The following SGCD variants were observed in gnomAD, a reference collection of about 807,000 sequenced individuals.
SGCD encodes delta-sarcoglycan.
SGCD carries 18 observed loss-of-function variants against 36.6 expected under a neutral mutation model. That is an observed-to-expected ratio of 0.49 (90% CI 0.34 to 0.73). The LOEUF (loss-of-function observed/expected upper bound fraction) is 0.73, where lower values mean the gene tolerates loss of function less well. SGCD is among the 30% of genes least tolerant of loss of function. SGCD has a pLI of 0.01. For synonymous variants in SGCD, 133 were observed against 130.6 expected (o/e 1.02, Z -0.12); for missense variants, 387 against 346.7 (o/e 1.12, Z -0.92).
intron 5 of SGCD, among the ~76,000 whole-genome samples, chr5:156,592,802 A>G (rs1182231561): frequency 1.3e-5 from 2 of 151,824 alleles, no homozygotes; most frequent in African/African-American, 4.8e-5. Context: ...TCAATCTCCT[A>G]CTCATTAGGG....
At chr5:155,876,005 A>G (rs1755759875) in intron 1 of SGCD, among the ~76,000 whole-genome samples, 1 of 151,538 alleles carries the variant, frequency 6.6e-6, no homozygotes, top group South Asian at 2.1e-4. Flanking sequence ...CTTAATTTTC[A>G]AAGTTGTTTT....
chr5:155,842,837 TTGAC>T, the SGCD span, among the ~76,000 whole-genome samples: 1 of 152,242 alleles, frequency 6.6e-6, no homozygotes, highest in Non-Finnish European at 1.5e-5. Flanking sequence ...TTCAAAATAT[TTGAC>T]TGTTCTTAAA....
chr5:156,067,296 G>T lies in SGCD; in HGVS notation c.-281-50582G>T, dbSNP rs1291302553. Among the ~76,000 whole-genome samples the T allele has an allele frequency of 1.9e-5, 2 of 107,878 alleles. 1 individual carries two copies. Among genetic ancestry groups the T allele is most frequent in the African/African-American group, 1.3e-4 (2 of 15,938 alleles). 70.8% of individuals were successfully genotyped at this position (107,878 alleles called of 152,430 possible). ...ACTTGAGGAGGCAGTCTGTCTGCCC[G>T]TTCTCAGATCTCCAGCTGCGTGCTG... On this transcript the variant is annotated intron_variant, in intron 1 of 9. Transcript: ENST00000517913.
At chr5:156,492,003 G>C (rs182533377) in intron 3 of SGCD, among the ~76,000 whole-genome samples, 1 of 152,238 alleles carries the variant, frequency 6.6e-6, no homozygotes, top group African/African-American at 2.4e-5. Flanking sequence ...AGAGGTGACT[G>C]TCAGTCTGTG....
Position 155,937,542 on chromosome 5 carries a change from G to A in SGCD, c.-282+67118G>A, listed in dbSNP as rs1757234464. ...AAGAGAAAAGGCCAGAAAGGAATGA[G>A]TGTTTTGCAGAAAGATCTTCGGGGA... On this transcript the variant is annotated intron_variant, in intron 1 of 9. Transcript: ENST00000517913. Among the ~76,000 whole-genome samples the A allele has an allele frequency of 2.0e-5, 3 of 152,256 alleles. No homozygotes were observed. The South Asian group carries it at 6.2e-4, about 32-fold the overall frequency.
the SGCD span, among the ~76,000 whole-genome samples, chr5:155,814,230 C>A: frequency 2.0e-5 from 3 of 152,232 alleles, no homozygotes; most frequent in African/African-American, 7.2e-5. Context: ...TTGGTCCTCT[C>A]CACTTCAGAG....
At chr5:156,345,691 A>AG (rs1768904136) in intron 3 of SGCD, among the ~76,000 whole-genome samples, 1 of 152,176 alleles carries the variant, frequency 6.6e-6, no homozygotes, top group Non-Finnish European at 1.5e-5. Context: ...AAACCAAAAA[A>AG]CAAATAACAA....
rs1193613010 is a variant in SGCD, at chr5:156,607,364, G to A, written c.502+12313G>A. ...GGATTATATTTACTGGTTTGTGTAT[G>A]TTGAACCAGCCTTGCATCCCAGGGA... On this transcript the variant is annotated intron_variant, in intron 6 of 8. Coordinates refer to ENST00000337851, the MANE Select transcript of SGCD (RefSeq NM_000337.6). 2.0e-5 allele frequency among the ~76,000 whole-genome samples: 3 copies of A among 152,202 alleles called. No homozygotes were observed. In the East Asian group the frequency reaches 5.8e-4, roughly 29 times the overall value.
At chr5:156,454,747 G>A (rs1341701216) in intron 3 of SGCD, among the ~76,000 whole-genome samples, 1 of 152,144 alleles carries the variant, frequency 6.6e-6, no homozygotes, top group African/African-American at 2.4e-5. Context: ...GTGTGGACTT[G>A]AAGATGGAAT....
intron 4 of SGCD, among the ~76,000 whole-genome samples, chr5:156,554,313 C>T (rs1194891654): frequency 6.6e-6 from 1 of 151,312 alleles, no homozygotes; most frequent in Admixed American, 6.6e-5. Context: ...TGAGATCACG[C>T]CACTGCACTC....
intron 6 of SGCD, among the ~76,000 whole-genome samples, chr5:156,634,037 C>T (rs1160979965): frequency 6.6e-6 from 1 of 152,148 alleles, no homozygotes; most frequent in Non-Finnish European, 1.5e-5. Flanking sequence ...GACCCCAGAT[C>T]TCTAAATTTT....
At chr5:156,449,491 A>G (rs1753900334) in intron 3 of SGCD, among the ~76,000 whole-genome samples, 1 of 151,688 alleles carries the variant, frequency 6.6e-6, no homozygotes, top group African/African-American at 2.4e-5. Flanking sequence ...AGGATAGGGA[A>G]AAGGCCTGAG....
chr5:156,283,207 A>G (rs537332874), intron 3 of SGCD, among the ~76,000 whole-genome samples: 2 of 152,140 alleles, frequency 1.3e-5, no homozygotes, highest in African/African-American at 2.4e-5. Flanking sequence ...TGTGTAGTCT[A>G]TTAAGGAGAC....
intron 3 of SGCD, among the ~76,000 whole-genome samples, chr5:156,281,945 C>A (rs184044529): frequency 6.6e-6 from 1 of 151,908 alleles, no homozygotes; most frequent in Non-Finnish European, 1.5e-5. Flanking sequence ...TTCTGTTTTC[C>A]GCGTAAACCC....
intron 1 of SGCD, among the ~76,000 whole-genome samples, chr5:156,027,319 A>G (rs1002577084): frequency 6.6e-6 from 1 of 152,204 alleles, no homozygotes; most frequent in Non-Finnish European, 1.5e-5. Flanking sequence ...ACGACATCCC[A>G]GATTCAACAA....
At chr5:156,435,825 G>T (rs569795150) in intron 3 of SGCD, among the ~76,000 whole-genome samples, 1 of 152,086 alleles carries the variant, frequency 6.6e-6, no homozygotes, top group Non-Finnish European at 1.5e-5. Context: ...TTCAACTCAG[G>T]CCTTTGTAAA....
intron 3 of SGCD, among the ~76,000 whole-genome samples, chr5:156,251,832 T>A (rs767788821): frequency 3.3e-5 from 5 of 151,766 alleles, no homozygotes; most frequent in Non-Finnish European, 5.9e-5. Context: ...GTTTTAAAAC[T>A]CGAAACTGTC....
intron 3 of SGCD, among the ~76,000 whole-genome samples, chr5:156,262,848 G>T (rs1765901532): frequency 1.3e-5 from 2 of 151,800 alleles, no homozygotes; most frequent in African/African-American, 2.4e-5. Context: ...CATTCAGGTT[G>T]CTGTGAATGC....
At chr5:156,566,879 C>T (rs1212276842) in intron 4 of SGCD, among the ~76,000 whole-genome samples, 4 of 152,076 alleles carry the variant, frequency 2.6e-5, no homozygotes, top group Non-Finnish European at 5.9e-5. Flanking sequence ...ATGACCTTCT[C>T]GTACATAATG....
Sources: gnomAD v4.1 joint callset for allele counts (sites outside exome capture counted in the v4.1 genomes callset) on GRCh38, gnomAD v4.1.1 for gene constraint, MANE v1.5 for transcripts, NCBI Gene and HGNC (gene_info 2026-07-23, HGNC 2026-07-21) for gene names.